Variants in PAN2 observed in about 807,000 individuals in gnomAD.
PAN2 encodes the protein PAN2-PAN3 deadenylation complex catalytic subunit PAN2.
Under a neutral mutation model 133.3 loss-of-function variants are expected in PAN2, and 68 were observed. The observed-to-expected ratio is 0.51, with a 90% confidence interval of 0.42 to 0.62. The LOEUF is 0.62. Among genes scored for constraint, PAN2 ranks in the 20% least tolerant of loss-of-function variants. The pLI, the probability that PAN2 is intolerant of heterozygous loss-of-function variation, is 0.00. For synonymous variants in PAN2, 462 were observed against 544.6 expected (o/e 0.85, Z 2.11); for missense variants, 1,042 against 1,500.5 (o/e 0.69, Z 5.05).
rs201579222 is a variant in PAN2 at position 56,326,649 on chromosome 12, A to C, written c.1230T>G (p.Asp410Glu). The C allele has an allele frequency of 6.2e-7, 1 of 1,613,882 alleles. No individual in the cohort carries two copies. Among genetic ancestry groups the C allele is most frequent in the East Asian group, 2.2e-5 (1 of 44,886 alleles). ...VPLTTDTLLSDWPAANSAPAP... is the reference protein window; with the variant it reads ...VPLTTDTLLSEWPAANSAPAP... ...CTGGAGCAGAGTTGGCAGCAGGCCAATCAGAGAGAAGTGTGTCAGTGGTGA... is the reference window on the plus strand; with the variant it reads ...CTGGAGCAGAGTTGGCAGCAGGCCACTCAGAGAGAAGTGTGTCAGTGGTGA... Residue 410 changes from aspartate to glutamate, a missense_variant, in exon 7 of 26, where the codon GAT becomes GAG. Asp to Glu is a conservative substitution (Grantham distance 45). This residue lies in a region of PAN2 where 908 missense variants were observed against 1,223.5 expected (regional missense o/e 0.74). Transcript: ENST00000440411.
chr12:56,319,505 G>A lies in PAN2; in HGVS notation c.3091-18C>T, dbSNP rs1216349550. 3 of 1,605,782 alleles carry A rather than the reference G, an allele frequency of 1.9e-6. No individual in the cohort carries two copies. The African/African-American group carries it at 4.0e-5, about 22-fold the overall frequency. ...TCCACCACCTAGGAATAGAGAAAAG[G>A]ACAAGCCTTTTTCAGGAAGTGAGAT... is the stretch of plus-strand genomic sequence containing the variant. On this transcript the variant is annotated intron_variant, in intron 22 of 25. Transcript: ENST00000440411. The surrounding 1 kb of genome is among the most constrained non-coding windows in gnomAD (Gnocchi z 5.4).
chr12:56,323,696 T>A (rs1874814749), intron 14 of PAN2, 98 bp from the exon 15 acceptor site: 14 of 1,397,276 alleles, frequency 1.0e-5, no homozygotes, highest in African/African-American at 2.8e-5. Flanking sequence ...GATTCCTCAC[T>A]CCACCAGAGA....
chr12:56,330,612 G>A (rs1875714779), intron 2 of PAN2, among the ~76,000 whole-genome samples: 1 of 151,744 alleles, frequency 6.6e-6, no homozygotes, highest in Non-Finnish European at 1.5e-5. Context: ...GCCCGCCTCG[G>A]CCTCCCAAAG....
At position 56,319,591 on chromosome 12, in the gene PAN2, T is replaced by C. The variant is rs1351403902; in HGVS notation, c.3090+30A>G. Reference sequence around the variant, plus strand: ...AGCACTGTAAGTAAGCACCAGGGTGTGCCTCACTTGCATCTCCATATCCTA... The same window carrying C: ...AGCACTGTAAGTAAGCACCAGGGTGCGCCTCACTTGCATCTCCATATCCTA... On this transcript the variant is annotated intron_variant, in intron 22 of 25. Transcript: ENST00000440411. The surrounding 1 kb of genome is among the most constrained non-coding windows in gnomAD (Gnocchi z 5.4). The C allele has an allele frequency of 6.3e-7, 1 of 1,594,050 alleles. No individual in the cohort carries two copies.
At chr12:56,322,883 A>G in intron 17 of PAN2, 125 bp from the exon 18 acceptor site, 1 of 1,262,110 alleles carries the variant, frequency 7.9e-7, no homozygotes, top group Non-Finnish European at 1.1e-6. Flanking sequence ...TCTCCATCCT[A>G]GCCCATCTAG....
intron 8 of PAN2, 78 bp downstream of exon 8, chr12:56,326,235 A>C: frequency 7.4e-7 from 1 of 1,342,652 alleles, no homozygotes; most frequent in Non-Finnish European, 1.0e-6. Flanking sequence ...TAAAAACAAA[A>C]GAAAGACTAG....
At chr12:56,321,102 G>A (rs1339151512) in intron 20 of PAN2, among the ~76,000 whole-genome samples, 1 of 151,080 alleles carries the variant, frequency 6.6e-6, no homozygotes, top group Non-Finnish European at 1.5e-5. Flanking sequence ...TGTTGCCCAG[G>A]CTGGAGTACA....
chr12:56,318,465 A>C (rs1373878488), intron 24 of PAN2, 31 bp from the exon 25 acceptor site: 1 of 1,580,406 alleles, frequency 6.3e-7, no homozygotes, highest in Non-Finnish European at 8.7e-7. Flanking sequence ...ATAGTTTGGG[A>C]CCCAGCAAAG....
chr12:56,318,173 T>G (rs1874120361), intron 25 of PAN2, 64 bp downstream of exon 25: 1 of 1,403,478 alleles, frequency 7.1e-7, no homozygotes, highest in African/African-American at 1.4e-5. Context: ...TGAGACCCTG[T>G]CACAAACAAA....
At position 56,319,995 on chromosome 12, in the gene PAN2, A is replaced by G. The variant is rs1874296668; in HGVS notation, c.2815T>C (p.Leu939=). The change falls in exon 21 of 26, where the codon TTG becomes CTG. Residue 939 remains leucine (L), a synonymous_variant. Coordinates refer to ENST00000440411, the MANE Select transcript of PAN2 (RefSeq NM_014871.6). This position sits in a 1 kb window ranked among gnomAD's most constrained non-coding sequence, Gnocchi z 5.4. ...CGTGCCAGCGAGGCTTCAGCCAGCA[A>G]GACACTTGCCTCAATAGGGTTCTTG... ...NIKNPIEASV[L]LAEASLARKQ... 1 of 1,614,078 alleles carries G rather than the reference A, an allele frequency of 6.2e-7. No individual in the cohort carries two copies. Among genetic ancestry groups the G allele is most frequent in the Non-Finnish European group, 8.5e-7 (1 of 1,180,042 alleles).
chr12:56,317,479 T>A lies in PAN2; in HGVS notation c.*130A>T. 2 of 730,812 alleles carry A rather than the reference T, an allele frequency of 2.7e-6. No homozygotes were observed. Among genetic ancestry groups the A allele is most frequent in the Non-Finnish European group, 4.9e-6 (2 of 409,454 alleles). 45.3% of individuals were successfully genotyped at this position (730,812 alleles called of 1,614,324 possible). A position where few individuals can be genotyped will look rare whatever the true frequency, so the allele number is the denominator to read the frequency against. ...TTCCAGTTCAATTAATAGCACCATC[T>A]GTGACCCTAGACCCTGAGCACGTCC... is the stretch of plus-strand genomic sequence containing the variant. On this transcript the variant is annotated 3_prime_UTR_variant, in exon 26 of 26. Coordinates refer to ENST00000440411, the MANE Select transcript of PAN2 (RefSeq NM_014871.6).
In PAN2 at chr12:56,322,485, A is replaced by G. The variant is rs772688886; in HGVS notation, c.2638-3T>C. On this transcript the variant is annotated splice_polypyrimidine_tract_variant and splice_region_variant and intron_variant, in intron 18 of 25. Transcript: ENST00000440411. ...TACCACTGCTGGTGAGTAACGCCCT[A>G]TGGAAATACAAAGAAAGCCTGTGGC... 6.2e-6 allele frequency: 10 copies of G among 1,613,708 alleles called. No individual in the cohort carries two copies. The highest frequency in any genetic ancestry group is 1.7e-5 in the Admixed American group (1 of 60,010).
intron 2 of PAN2, among the ~76,000 whole-genome samples, chr12:56,329,536 G>A (rs1592445604): frequency 6.6e-6 from 1 of 151,786 alleles, no homozygotes; most frequent in African/African-American, 2.4e-5. Context: ...TCACCATGTT[G>A]GCCAGGCTGG....
intron 25 of PAN2, 133 bp from the exon 26 acceptor site, chr12:56,317,776 A>C (rs1565630603): frequency 1.1e-5 from 8 of 735,158 alleles, no homozygotes; most frequent in Non-Finnish European, 1.9e-5. Context: ...CTTGGGCAAG[A>C]GGAAGTTATA....
chr12:56,323,631 G>A (rs1433573315), intron 14 of PAN2, 33 bp from the exon 15 acceptor site: 3 of 1,588,510 alleles, frequency 1.9e-6, no homozygotes, highest in East Asian at 2.2e-5. Context: ...GAATGGCAGG[G>A]AATGTACAGG....
Position 56,323,219 on chromosome 12 carries a change from C to G in PAN2, c.2346-10G>C. On this transcript the variant is annotated splice_polypyrimidine_tract_variant and intron_variant, in intron 16 of 25. Transcript: ENST00000440411. ...ACTCCCTAGTTCCTTCCTATCAGGTCAGAAGAATTGGAAATTTGTTCCGAA... is the reference window on the plus strand; with the variant it reads ...ACTCCCTAGTTCCTTCCTATCAGGTGAGAAGAATTGGAAATTTGTTCCGAA... 4.3e-6 allele frequency: 7 copies of G among 1,613,840 alleles called. No homozygotes were observed. The highest frequency in any genetic ancestry group is 5.9e-6 in the Non-Finnish European group (7 of 1,179,982).
Position 56,333,211 on chromosome 12 carries a change from G to A in PAN2, c.-114-3C>T. ...GGGCCTAGAATGGACATCCTGGCCT[G>A]TAAGGGGAAAGAGGTAGCTGAGTCA... On this transcript the variant is annotated splice_polypyrimidine_tract_variant and splice_region_variant and intron_variant, in intron 1 of 25. Transcript: ENST00000440411. The A allele has an allele frequency of 3.7e-6, 4 of 1,092,892 alleles. No homozygotes were observed. Among genetic ancestry groups the A allele is most frequent in the Non-Finnish European group, 5.3e-6 (4 of 752,418 alleles). The allele number at this position is 1,092,892 out of a possible 1,614,324, so 67.7% of individuals were successfully genotyped here.
At chr12:56,332,787 C>T (rs761747136) in intron 2 of PAN2, 26 bp downstream of exon 2, 1 of 1,606,154 alleles carries the variant, frequency 6.2e-7, no homozygotes, top group Admixed American at 1.7e-5. Context: ...CATCTTTCAA[C>T]CCTCACAAAG....
intron 6 of PAN2, among the ~76,000 whole-genome samples, 197 bp downstream of exon 6, chr12:56,327,167 C>A (rs1320262033): frequency 6.6e-6 from 1 of 152,228 alleles, no homozygotes; most frequent in African/African-American, 2.4e-5. Context: ...CCTACTTTAT[C>A]TTTACCTTTT....
Sources: gnomAD v4.1 joint callset for allele counts (sites outside exome capture counted in the v4.1 genomes callset) on GRCh38, gnomAD v4.1.1 for gene constraint, gnomAD v4.1.1 regional missense constraint, Gnocchi (gnomAD v3.1) non-coding constraint, MANE v1.5 for transcripts, NCBI Gene and HGNC (gene_info 2026-07-23, HGNC 2026-07-21) for gene names.